The following FNDC3A variants were observed in gnomAD, a reference collection of about 807,000 sequenced individuals.
FNDC3A encodes the protein fibronectin type-III domain-containing protein 3A.
In FNDC3A, 32 loss-of-function variants were observed where a neutral mutation model predicts 148.9. The observed-to-expected ratio is 0.21, with a 90% confidence interval of 0.16 to 0.29. The LOEUF is 0.29. Among genes scored for constraint, FNDC3A ranks in the 10% least tolerant of loss-of-function variants. The pLI is 1.00. For missense variants in FNDC3A, 1,191 were observed against 1,452.8 expected (o/e 0.82, Z 2.93); for synonymous variants, 472 against 473.6 (o/e 1.00, Z 0.04).
intron 2 of FNDC3A, among the ~76,000 whole-genome samples, chr13:49,073,801 T>G (rs1287248987): frequency 6.8e-6 from 1 of 146,466 alleles, no homozygotes; most frequent in Non-Finnish European, 1.5e-5. Context: ...TATATATATG[T>G]ATATATATTA....
At chr13:49,201,182 T>G (rs1886402730) in intron 23 of FNDC3A, 1 of 300,404 alleles carries the variant, frequency 3.3e-6, no homozygotes, top group Admixed American at 4.0e-5. Flanking sequence ...AGATAACATA[T>G]TAGGAGAAAT....
At chr13:49,006,310 ATTTC>A in intron 2 of FNDC3A, 21 bp downstream of exon 2, 4 of 1,396,346 alleles carry the variant, frequency 2.9e-6, no homozygotes, top group South Asian at 2.3e-5. Context: ...TGAAATGTTT[ATTTC>A]TTTATGTCTA....
chr13:49,196,761 A>C (rs566851173), intron 19 of FNDC3A, 116 bp from the exon 20 acceptor site: 1 of 512,936 alleles, frequency 1.9e-6, no homozygotes, highest in Non-Finnish European at 3.5e-6. Flanking sequence ...TGACCAAATT[A>C]ATCTTGAAAC....
chr13:49,188,476 T>C, intron 16 of FNDC3A, 39 bp from the exon 17 acceptor site: 1 of 1,230,544 alleles, frequency 8.1e-7, no homozygotes, highest in Non-Finnish European at 1.2e-6. Context: ...CGTTAAACAT[T>C]ACCTAGTATC....
intron 25 of FNDC3A, among the ~76,000 whole-genome samples, chr13:49,204,874 A>G (rs965787194): frequency 6.6e-6 from 1 of 152,120 alleles, no homozygotes; most frequent in African/African-American, 2.4e-5. Flanking sequence ...CCCTCCCAGT[A>G]TCTCCTCTCC....
chr13:49,114,020 A>G (rs1298772719), intron 3 of FNDC3A, among the ~76,000 whole-genome samples: 1 of 152,160 alleles, frequency 6.6e-6, no homozygotes, highest in Non-Finnish European at 1.5e-5. Flanking sequence ...TTAGTGTGAG[A>G]AACAAAAAAA....
chr13:49,132,403 A>T (rs1268525970), intron 5 of FNDC3A, among the ~76,000 whole-genome samples: 1 of 152,194 alleles, frequency 6.6e-6, no homozygotes, highest in African/African-American at 2.4e-5. Context: ...CAAACATGCC[A>T]CTATTGATGT....
intron 1 of FNDC3A, among the ~76,000 whole-genome samples, chr13:48,986,809 C>G (rs1418539911): frequency 2.6e-5 from 4 of 152,060 alleles, no homozygotes; most frequent in African/African-American, 9.7e-5. Flanking sequence ...TCAGAAAGGA[C>G]TACTTTAAGG....
chr13:49,056,015 C>T (rs1876211115), intron 2 of FNDC3A, among the ~76,000 whole-genome samples: 1 of 151,942 alleles, frequency 6.6e-6, no homozygotes, highest in East Asian at 1.9e-4. Flanking sequence ...GGCAAGACCC[C>T]ATCTCTACAA....
chr13:49,177,422 T>C (rs922859514), intron 13 of FNDC3A, among the ~76,000 whole-genome samples: 1 of 152,210 alleles, frequency 6.6e-6, no homozygotes, highest in Non-Finnish European at 1.5e-5. Flanking sequence ...AGAGGCTAGC[T>C]GACCAGGAGT....
intron 3 of FNDC3A, among the ~76,000 whole-genome samples, chr13:49,084,942 A>G (rs1197961613): frequency 1.3e-5 from 2 of 150,616 alleles, no homozygotes; most frequent in African/African-American, 4.9e-5. Flanking sequence ...GTTATTGTCA[A>G]CTCCTCTATC....
At chr13:49,156,613 T>C (rs1883707646) in intron 8 of FNDC3A, among the ~76,000 whole-genome samples, 1 of 151,342 alleles carries the variant, frequency 6.6e-6, no homozygotes, top group South Asian at 2.1e-4. Context: ...TTCTTCCTAT[T>C]CTCGATGGTC....
At chr13:49,154,511 T>A in intron 8 of FNDC3A, among the ~76,000 whole-genome samples, 1 of 140,546 alleles carries the variant, frequency 7.1e-6, no homozygotes, top group Non-Finnish European at 1.5e-5. Context: ...TACCCTTTAT[T>A]TCCTTCTCCT....
At chr13:49,093,077 A>G (rs1030925095) in intron 3 of FNDC3A, among the ~76,000 whole-genome samples, 6 of 152,176 alleles carry the variant, frequency 3.9e-5, no homozygotes, top group African/African-American at 1.4e-4. Flanking sequence ...CTGCACCAAG[A>G]TATCTTAGAA....
At chr13:49,194,267 T>C (rs887145247) in intron 19 of FNDC3A, among the ~76,000 whole-genome samples, 1 of 152,146 alleles carries the variant, frequency 6.6e-6, no homozygotes, top group South Asian at 2.1e-4. Context: ...AAAAAAATAA[T>C]AACATATTTG....
At chr13:49,151,574 G>T (rs1883298249) in intron 8 of FNDC3A, among the ~76,000 whole-genome samples, 1 of 151,362 alleles carries the variant, frequency 6.6e-6, no homozygotes, top group Admixed American at 6.6e-5. Flanking sequence ...GTTTCTTTTT[G>T]TTTTTTTTAT....
At chr13:49,206,969 C>T (rs1886677765) in intron 25 of FNDC3A, 112 bp from the exon 26 acceptor site, 12 of 694,970 alleles carry the variant, frequency 1.7e-5, no homozygotes, top group Non-Finnish European at 2.7e-5. Context: ...AAGATAAAAT[C>T]AATGGCATTC....
At position 49,186,016 on chromosome 13, in the gene FNDC3A, T is replaced by G; in HGVS notation, c.1670T>G (p.Phe557Cys). Residue 557 changes from phenylalanine (F) to cysteine (C), a missense_variant, in exon 15 of 26, where the codon TTT (phenylalanine) becomes TGT (cysteine). Physicochemically the swap from Phe to Cys is radical, Grantham distance 205. Coordinates refer to ENST00000492622, the MANE Select transcript of FNDC3A (RefSeq NM_001079673.2). ...GKSNPSEVVE[F>C]TTCPDKPGIP... ...AGTAATCCAAGTGAAGTAGTAGAAT[T>G]TACTACTTGCCCTGATAAACCAGGC... 6.2e-7 allele frequency: 1 copy of G among 1,606,838 alleles called. No individual in the cohort carries two copies. Among genetic ancestry groups the G allele is most frequent in the Non-Finnish European group, 8.5e-7 (1 of 1,173,600 alleles).
chr13:49,114,581 G>A, intron 3 of FNDC3A, 74 bp from the exon 4 acceptor site: 1 of 953,322 alleles, frequency 1.0e-6, no homozygotes, highest in Non-Finnish European at 1.7e-6. Context: ...TATTCAAAAT[G>A]TAATTCAAAT....
Sources: allele counts gnomAD v4.1 joint callset (sites outside exome capture counted in the v4.1 genomes callset), GRCh38; gene constraint gnomAD v4.1.1; transcripts MANE v1.5; gene names NCBI Gene and HGNC (gene_info 2026-07-23, HGNC 2026-07-21).